The following DLGAP2 variants were observed in gnomAD, a reference collection of about 807,000 sequenced individuals.
The protein encoded by DLGAP2 is DLG associated protein 2, also known as disks large-associated protein 2.
Under a neutral mutation model 100.3 loss-of-function variants are expected in DLGAP2, and 26 were observed. That is an observed-to-expected ratio of 0.26 (90% CI 0.19 to 0.36). The LOEUF is 0.36. DLGAP2 is among the 10% of genes least tolerant of loss of function. The probability of loss-of-function intolerance (pLI) is 1.00; values close to 1 mark genes in which losing one functional copy is unlikely to be tolerated. For missense variants in DLGAP2, 1,858 were observed against 1,453.2 expected (o/e 1.28, Z -4.53); for synonymous variants, 886 against 630.1 (o/e 1.41, Z -6.08).
At position 1,614,255 on chromosome 8, in the gene DLGAP2, G is replaced by C. The variant is rs146785317; in HGVS notation, c.1443-12485G>C. On this transcript the variant is annotated intron_variant, in intron 6 of 14. Coordinates refer to ENST00000637795, the MANE Select transcript of DLGAP2 (RefSeq NM_001346810.2). Reference sequence around the variant, plus strand: ...AAAAAACGGATGGCACAGACCTGGGGTCTCCTGAGCATTTGCAGTCAGGCA... The same window carrying C: ...AAAAAACGGATGGCACAGACCTGGGCTCTCCTGAGCATTTGCAGTCAGGCA... Among the ~76,000 whole-genome samples the C allele has an allele frequency of 5.8e-3, 880 of 152,320 alleles. 7 individuals carry two copies. Among genetic ancestry groups the C allele is most frequent in the African/African-American group, 0.02 (826 of 41,574 alleles).
chr8:1,260,098 C>G (rs1226665755), intron 3 of DLGAP2, among the ~76,000 whole-genome samples: 1 of 152,080 alleles, frequency 6.6e-6, no homozygotes, highest in Non-Finnish European at 1.5e-5. Context: ...GGATGCTGGT[C>G]TGGGTGTGGC....
At chr8:1,040,604 AGCTCGGTGTGCGTGGTCG>A (rs1457586867) in intron 2 of DLGAP2, among the ~76,000 whole-genome samples, 2 of 99,040 alleles carry the variant, frequency 2.0e-5, no homozygotes, top group African/African-American at 4.1e-5. Flanking sequence ...GTGCGTGGTC[AGCTCGGTGTGCGTGGTCG>A]GCTCGATTTC....
At chr8:1,660,425 C>T (rs756737633) in intron 8 of DLGAP2, among the ~76,000 whole-genome samples, 4 of 152,272 alleles carry the variant, frequency 2.6e-5, no homozygotes, top group South Asian at 2.1e-4. Context: ...TATGCATATA[C>T]GCCCACTGTA....
At chr8:759,174 T>C (rs1721827427) in intron 1 of DLGAP2, among the ~76,000 whole-genome samples, 1 of 102,264 alleles carries the variant, frequency 9.8e-6, no homozygotes, top group Admixed American at 1.1e-4. Context: ...AGCCTTCCCG[T>C]TATCAATACC....
intron 3 of DLGAP2, among the ~76,000 whole-genome samples, chr8:1,263,887 T>C (rs534217420): frequency 4.6e-5 from 7 of 152,276 alleles, no homozygotes; most frequent in African/African-American, 1.4e-4. Flanking sequence ...CTATTTGTGG[T>C]TTTTAGTGAT....
intron 2 of DLGAP2, among the ~76,000 whole-genome samples, chr8:1,046,348 G>A (rs1802515126): frequency 6.6e-6 from 1 of 152,180 alleles, no homozygotes; most frequent in South Asian, 2.1e-4. Flanking sequence ...TTTACCTCTA[G>A]TTTGGAGGTT....
intron 3 of DLGAP2, among the ~76,000 whole-genome samples, chr8:1,333,506 G>C (rs1801204497): frequency 6.6e-6 from 1 of 151,974 alleles, no homozygotes; most frequent in South Asian, 2.1e-4. Context: ...CCACAGACAG[G>C]GGTTCACACC....
At chr8:910,664 C>T (rs1798466485) in intron 2 of DLGAP2, 1 of 152,126 alleles carries the variant, frequency 6.6e-6, no homozygotes, top group Non-Finnish European at 1.5e-5. Flanking sequence ...GGTTTGCAAC[C>T]TACCTGGAGT....
chr8:1,644,054 G>A lies in DLGAP2; in HGVS notation c.1810+11008G>A, dbSNP rs1397048928. On this transcript the variant is annotated intron_variant, in intron 8 of 14. Transcript: ENST00000637795. The stretch of plus-strand genomic sequence containing the variant: ...CACCTGTGTCACCCTCGAACCCGCC[G>A]GTCCTCACCTGTGTCACCCTCGACC... 2.3e-5 allele frequency among the ~76,000 whole-genome samples: 2 copies of A among 87,132 alleles called. 1 individual carries two copies. The highest frequency in any genetic ancestry group is 9.6e-5 in the African/African-American group (2 of 20,806). The allele number at this position is 87,132 out of a possible 152,430, so 57.2% of individuals were successfully genotyped here. A position where few individuals can be genotyped will look rare whatever the true frequency, so the allele number is the denominator to read the frequency against.
At chr8:1,683,850 A>ATG (rs1799026641) in intron 12 of DLGAP2, among the ~76,000 whole-genome samples, 1 of 72,088 alleles carries the variant, frequency 1.4e-5, no homozygotes, top group African/African-American at 9.1e-5. Context: ...ATATATATAT[A>ATG]TATATATGTG....
chr8:1,524,914 C>T (rs1800740203), intron 4 of DLGAP2, among the ~76,000 whole-genome samples: 1 of 152,028 alleles, frequency 6.6e-6, no homozygotes, highest in Non-Finnish European at 1.5e-5. Context: ...ACACCCTTGG[C>T]CATTTGTCCC....
At chr8:1,653,456 C>G (rs1798213128) in intron 8 of DLGAP2, among the ~76,000 whole-genome samples, 1 of 152,222 alleles carries the variant, frequency 6.6e-6, no homozygotes, top group African/African-American at 2.4e-5. Context: ...CTTCCTGGCC[C>G]CACAGGTGTC....
rs990455015 is a variant in DLGAP2 at position 1,662,136 on chromosome 8, C to G, written c.1811-6193C>G. On this transcript the variant is annotated intron_variant, in intron 8 of 14. Transcript: ENST00000637795. ...AAATCAGTGGGTCCCACACACCTTT[C>G]CTATGAACCAGGAAAATATATCATC... 2.6e-5 allele frequency among the ~76,000 whole-genome samples: 4 copies of G among 152,242 alleles called. 1 individual carries two copies. Among genetic ancestry groups the G allele is most frequent in the Admixed American group, 2.0e-4 (3 of 15,282 alleles).
intron 3 of DLGAP2, among the ~76,000 whole-genome samples, chr8:1,488,039 G>T (rs901190776): frequency 9.9e-5 from 15 of 151,298 alleles, no homozygotes; most frequent in Non-Finnish European, 1.8e-4. Context: ...GAGAGTCTTC[G>T]TTGAGGAGGG....
chr8:1,390,700 T>C (rs1796330879), intron 3 of DLGAP2, among the ~76,000 whole-genome samples: 1 of 152,240 alleles, frequency 6.6e-6, no homozygotes, highest in South Asian at 2.1e-4. Flanking sequence ...TGGGTGCTGG[T>C]GGTGAGGGAG....
At position 1,701,444 on chromosome 8, in the gene DLGAP2, T is replaced by C. The variant is rs1312653546; in HGVS notation, c.*38T>C. On this transcript the variant is annotated 3_prime_UTR_variant, in exon 15 of 15. Coordinates refer to ENST00000637795, the MANE Select transcript of DLGAP2 (RefSeq NM_001346810.2). ...GCGCCTTCCCCTCGTCGCTTCCGCT[T>C]TCCCGGACGCTTGTGCAGCGCGGCG... 2 of 1,542,194 alleles carry C rather than the reference T, an allele frequency of 1.3e-6. No individual in the cohort carries two copies. Among genetic ancestry groups the C allele is most frequent in the South Asian group, 2.4e-5 (2 of 84,004 alleles).
chr8:1,286,135 A>G (rs373260965), intron 3 of DLGAP2, among the ~76,000 whole-genome samples: 33 of 152,286 alleles, frequency 2.2e-4, no homozygotes, highest in African/African-American at 7.9e-4. Flanking sequence ...GGTTTCTGCC[A>G]TGCTGGTCTA....
intron 3 of DLGAP2, among the ~76,000 whole-genome samples, chr8:1,265,017 C>G (rs1475648882): frequency 3.9e-5 from 6 of 152,140 alleles, no homozygotes; most frequent in Admixed American, 2.0e-4. Flanking sequence ...TGAGGGCTCC[C>G]CAGCCAAGTG....
chr8:1,480,845 A>G (rs1378912825), intron 3 of DLGAP2, among the ~76,000 whole-genome samples: 1 of 148,424 alleles, frequency 6.7e-6, no homozygotes, highest in East Asian at 2.0e-4. Flanking sequence ...CAGCCTGGGA[A>G]ACAAGAACGA....
Sources: allele counts gnomAD v4.1 joint callset (sites outside exome capture counted in the v4.1 genomes callset), GRCh38; gene constraint gnomAD v4.1.1; transcripts MANE v1.5; gene names NCBI Gene and HGNC (gene_info 2026-07-23, HGNC 2026-07-21).